MECOM: variants seen among roughly 807,000 people sequenced by gnomAD.
The protein encoded by MECOM is histone-lysine N-methyltransferase MECOM.
In MECOM, 13 loss-of-function variants were observed where a neutral mutation model predicts 116.3. The ratio of observed to expected loss-of-function variants is 0.11; its 90% confidence interval spans 0.07 to 0.18. MECOM has a LOEUF of 0.18. MECOM is among the 10% of genes least tolerant of loss of function. The pLI is 1.00. For synonymous variants in MECOM, 528 were observed against 535.2 expected, an observed-to-expected ratio of 0.99 and a Z score of 0.19; for missense variants, 1,299 against 1,509.0, an observed-to-expected ratio of 0.86 and a Z score of 2.31.
chr3:169,386,333 T>C (rs1242761553), intron 1 of MECOM, among the ~76,000 whole-genome samples: 1 of 152,134 alleles, frequency 6.6e-6, no homozygotes, highest in Non-Finnish European at 1.5e-5. Context: ...AATCTTCCAT[T>C]TTCCAGATGT....
In MECOM at chr3:169,243,582, TC is replaced by T. The variant is rs555491091; in HGVS notation, c.376-99751del. Among the ~76,000 whole-genome samples, 70 of 152,134 alleles carry T rather than the reference TC, an allele frequency of 4.6e-4. No individual in the cohort carries two copies. In the East Asian group the frequency reaches 6.0e-3, roughly 13 times the overall value. On this transcript the variant is annotated intron_variant, in intron 2 of 16. Coordinates refer to ENST00000651503, the MANE Select transcript of MECOM (RefSeq NM_004991.4). ...TATAGATACTTCCAAACAGGTTTTT[TC>T]CCCCGTCTGATTGAATAAACTATTT...
At chr3:169,179,662 G>A (rs1423784947) in intron 2 of MECOM, among the ~76,000 whole-genome samples, 3 of 151,978 alleles carry the variant, frequency 2.0e-5, no homozygotes, top group African/African-American at 7.3e-5. Context: ...ACAGTAAACT[G>A]ACAAATATCT....
intron 2 of MECOM, among the ~76,000 whole-genome samples, chr3:169,292,069 G>A (rs1714662983): frequency 6.6e-6 from 1 of 152,158 alleles, no homozygotes; most frequent in Non-Finnish European, 1.5e-5. Flanking sequence ...TAAAGAGATT[G>A]GGGCTCATGC....
chr3:169,158,140 T>A (rs1319596761), intron 2 of MECOM, among the ~76,000 whole-genome samples: 3 of 152,218 alleles, frequency 2.0e-5, no homozygotes, highest in African/African-American at 7.2e-5. Context: ...TAAATTTAAA[T>A]GACTCACTAA....
intron 1 of MECOM, among the ~76,000 whole-genome samples, chr3:169,394,586 A>T: frequency 6.6e-6 from 1 of 152,170 alleles, no homozygotes; most frequent in East Asian, 1.9e-4. Flanking sequence ...ATATTTGCAG[A>T]GGTACGGCAG....
intron 1 of MECOM, among the ~76,000 whole-genome samples, chr3:169,579,994 C>T (rs142304865): frequency 1.7e-3 from 262 of 152,300 alleles, no homozygotes; most frequent in African/African-American, 6.0e-3. Flanking sequence ...GCACTGAGCA[C>T]AGAGCCCATT....
intron 2 of MECOM, among the ~76,000 whole-genome samples, chr3:169,346,990 A>C (rs1325740454): frequency 6.6e-6 from 1 of 152,140 alleles, no homozygotes; most frequent in African/African-American, 2.4e-5. Context: ...ACCTTTAAAC[A>C]AATTATGGTA....
chr3:169,659,841 AG>A (rs1304049299), intron 1 of MECOM, among the ~76,000 whole-genome samples: 2 of 152,034 alleles, frequency 1.3e-5, no homozygotes, highest in African/African-American at 2.4e-5. Flanking sequence ...GACGGGAGAA[AG>A]GGTCGGCATC....
Position 169,441,744 on chromosome 3 carries a change from T to TTTTTTTTTTG in MECOM, c.38-60221_38-60220insCAAAAAAAAA, listed in dbSNP as rs1237906532. On this transcript the variant is annotated intron_variant, in intron 1 of 16. Transcript: ENST00000651503. ...TCTTCTCTTCTTTTTTTTTTTTTTT[T>TTTTTTTTTTG]AAAAAAGGGGGGGTCTTGCTCTGTC... 6.5e-4 allele frequency among the ~76,000 whole-genome samples: 92 copies of TTTTTTTTTTG among 142,078 alleles called. 13 individuals carry two copies. Among genetic ancestry groups the TTTTTTTTTTG allele is most frequent in the Non-Finnish European group, 8.0e-4 (51 of 63,416 alleles). 93.2% of individuals were successfully genotyped at this position (142,078 alleles called of 152,430 possible). A position where few individuals can be genotyped will look rare whatever the true frequency, so the allele number is the denominator to read the frequency against.
intron 2 of MECOM, among the ~76,000 whole-genome samples, chr3:169,380,887 A>G (rs16853609): frequency 0.13 from 19,726 of 152,200 alleles, 1,451 homozygotes; most frequent in Admixed American, 0.24. Flanking sequence ...CATGCTACAC[A>G]TGGTCATAGC....
intron 14 of MECOM, among the ~76,000 whole-genome samples, chr3:169,092,383 T>C (rs1720000151): frequency 6.6e-6 from 1 of 151,996 alleles, no homozygotes; most frequent in South Asian, 2.1e-4. Context: ...GTATTTCATA[T>C]ATAAATGCAT....
At chr3:169,219,311 C>G (rs529010515) in intron 2 of MECOM, among the ~76,000 whole-genome samples, 138 of 152,148 alleles carry the variant, frequency 9.1e-4, no homozygotes, top group Non-Finnish European at 1.4e-3. Flanking sequence ...TCCAGACCAT[C>G]CTGGCTAACA....
At chr3:169,634,501 C>T (rs777308294) in intron 1 of MECOM, among the ~76,000 whole-genome samples, 26 of 152,158 alleles carry the variant, frequency 1.7e-4, no homozygotes, top group Admixed American at 9.2e-4. Context: ...GGATGTTAGC[C>T]AAGGCTTGTT....
At chr3:169,297,963 A>G (rs1163225032) in intron 2 of MECOM, among the ~76,000 whole-genome samples, 1 of 152,228 alleles carries the variant, frequency 6.6e-6, no homozygotes, top group African/African-American at 2.4e-5. Flanking sequence ...AATATACCAT[A>G]GAGTAACTTG....
At chr3:169,397,722 T>G (rs1735235266) in intron 1 of MECOM, among the ~76,000 whole-genome samples, 1 of 152,146 alleles carries the variant, frequency 6.6e-6, no homozygotes, top group African/African-American at 2.4e-5. Context: ...TCAGTTAGGT[T>G]CAGAGATAGG....
chr3:169,475,345 A>G (rs977955126), intron 1 of MECOM, among the ~76,000 whole-genome samples: 1 of 152,196 alleles, frequency 6.6e-6, no homozygotes, highest in East Asian at 1.9e-4. Flanking sequence ...GCCCAACTTT[A>G]TCAAGACGGT....
chr3:169,308,397 C>T (rs940469347), intron 2 of MECOM, among the ~76,000 whole-genome samples: 5 of 152,040 alleles, frequency 3.3e-5, no homozygotes, highest in Non-Finnish European at 5.9e-5. Flanking sequence ...TAAGGAACTC[C>T]CTCTCTCCAA....
At chr3:169,194,301 C>A (rs1367591682) in intron 2 of MECOM, among the ~76,000 whole-genome samples, 1 of 151,926 alleles carries the variant, frequency 6.6e-6, no homozygotes, top group Non-Finnish European at 1.5e-5. Context: ...ACATCACACA[C>A]CGGGGCCCGT....
At chr3:169,549,093 C>T (rs1761070065) in intron 1 of MECOM, among the ~76,000 whole-genome samples, 1 of 151,880 alleles carries the variant, frequency 6.6e-6, no homozygotes, top group African/African-American at 2.4e-5. Flanking sequence ...CCTGCCTCAG[C>T]CTCCCGAGTA....
Sources: allele counts gnomAD v4.1 joint callset (sites outside exome capture counted in the v4.1 genomes callset), GRCh38; gene constraint gnomAD v4.1.1; transcripts MANE v1.5; gene names NCBI Gene and HGNC (gene_info 2026-07-23, HGNC 2026-07-21).